ABCA9: variants seen among roughly 807,000 people sequenced by gnomAD.
The protein encoded by ABCA9 is ATP-binding cassette sub-family A member 9.
In ABCA9, 183 loss-of-function variants were observed where a neutral mutation model predicts 205.3. The ratio of observed to expected loss-of-function variants is 0.89; its 90% confidence interval spans 0.79 to 1.01. ABCA9 has a LOEUF of 1.01. Ranked by LOEUF, ABCA9 falls within the 50% of genes least tolerant of loss-of-function variation. The pLI, the probability that ABCA9 is intolerant of heterozygous loss-of-function variation, is 0.00. For synonymous variants in ABCA9, 651 were observed against 683.3 expected (o/e 0.95, Z 0.74); for missense variants, 1,805 against 1,912.4 (o/e 0.94, Z 1.05).
At chr17:69,071,738 AAT>A in the ABCA9 span, among the ~76,000 whole-genome samples, 62 of 152,308 alleles carry the variant, frequency 4.1e-4, no homozygotes, top group East Asian at 1.5e-3. Context: ...CTGGATAGAT[AAT>A]GAGTTTGATG....
upstream of ABCA9, among the ~76,000 whole-genome samples, chr17:69,061,549 G>A (rs1363089597): frequency 6.6e-6 from 1 of 152,192 alleles, no homozygotes; most frequent in African/African-American, 2.4e-5. Context: ...ATCTTTCATG[G>A]TACTGAAGCG....
chr17:68,999,774 C>A (rs2144100924), intron 25 of ABCA9, among the ~76,000 whole-genome samples: 1 of 152,184 alleles, frequency 6.6e-6, no homozygotes, highest in Non-Finnish European at 1.5e-5. Flanking sequence ...TTCTCCACAT[C>A]CTCTCCAGCA....
At chr17:68,980,961 G>C (rs1167734481) in intron 37 of ABCA9, among the ~76,000 whole-genome samples, 1 of 151,638 alleles carries the variant, frequency 6.6e-6, no homozygotes, top group African/African-American at 2.4e-5. Context: ...ATCGTGTTGT[G>C]GATGAATCTA....
rs145971364 is a variant in ABCA9, at chr17:69,047,840, G to C, written c.304+1443C>G. On this transcript the variant is annotated intron_variant, in intron 3 of 38. Coordinates refer to ENST00000340001, the MANE Select transcript of ABCA9 (RefSeq NM_080283.4). ...ACTGGCTAGCCACCCCACTTCAGTT[G>C]CATGAATAAAAGTCAAGCCCTGTCT... 6.6e-3 allele frequency among the ~76,000 whole-genome samples: 1,002 copies of C among 152,262 alleles called. 2 individuals carry two copies. The highest frequency in any genetic ancestry group is 9.7e-3 in the Non-Finnish European group (663 of 68,014).
Position 69,045,218 on chromosome 17 carries a change from A to C in ABCA9, c.423T>G (p.Ser141=), listed in dbSNP as rs750538125. The change falls in exon 4 of 39, where the codon TCT becomes TCG. Residue 141 remains serine (S), a synonymous_variant. Coordinates refer to ENST00000340001, the MANE Select transcript of ABCA9 (RefSeq NM_080283.4). ...TDTFSYHLKF[S]WGHRIPMMKE... ...TCATCATGGGGATTCTATGTCCCCA[A>C]GAAAACTTCAAATGGTAGGAGAAGG... The C allele has an allele frequency of 6.8e-6, 11 of 1,613,352 alleles. No individual in the cohort carries two copies. The highest frequency in any genetic ancestry group is 9.3e-6 in the Non-Finnish European group (11 of 1,179,624).
intron 8 of ABCA9, 108 bp from the exon 9 acceptor site, chr17:69,033,981 T>C (rs1209690936): frequency 3.3e-6 from 3 of 905,012 alleles, no homozygotes; most frequent in Non-Finnish European, 5.1e-6. Context: ...TAAGATATAA[T>C]CTTGTCTCTA....
intron 23 of ABCA9, among the ~76,000 whole-genome samples, chr17:69,010,866 G>A (rs774948058): frequency 1.3e-5 from 2 of 152,130 alleles, no homozygotes; most frequent in Non-Finnish European, 2.9e-5. Flanking sequence ...AGTGCCATTT[G>A]CTAAAACAGG....
At chr17:68,996,546 C>A (rs374427707) in intron 25 of ABCA9, among the ~76,000 whole-genome samples, 1 of 152,270 alleles carries the variant, frequency 6.6e-6, no homozygotes, top group African/African-American at 2.4e-5. Flanking sequence ...AGTGTAACTG[C>A]AGGTTAAAAT....
At chr17:68,980,961 G>A (rs1167734481) in intron 37 of ABCA9, among the ~76,000 whole-genome samples, 1 of 151,638 alleles carries the variant, frequency 6.6e-6, no homozygotes, top group Non-Finnish European at 1.5e-5. Flanking sequence ...ATCGTGTTGT[G>A]GATGAATCTA....
intron 19 of ABCA9, 70 bp from the exon 20 acceptor site, chr17:69,018,649 A>G (rs745575617): frequency 2.8e-6 from 3 of 1,085,626 alleles, no homozygotes; most frequent in African/African-American, 1.6e-5. Flanking sequence ...GTTTGAAGGT[A>G]TAATGAATAT....
rs907464402 is a variant in ABCA9 at position 69,040,977 on chromosome 17, T to C, written c.800+2512A>G. On this transcript the variant is annotated intron_variant, in intron 6 of 38. Transcript: ENST00000340001. ...GATCTGAGTTAGTTCCAGTTTCTCCTGCTACATTGTAACTATATAATCCTG... is the reference window on the plus strand; with the variant it reads ...GATCTGAGTTAGTTCCAGTTTCTCCCGCTACATTGTAACTATATAATCCTG... Among the ~76,000 whole-genome samples, 3 of 151,118 alleles carry C rather than the reference T, an allele frequency of 2.0e-5. No individual in the cohort carries two copies. In the East Asian group the frequency reaches 5.8e-4, roughly 29 times the overall value.
intron 5 of ABCA9, 57 bp downstream of exon 5, chr17:69,044,440 C>T: frequency 6.9e-7 from 1 of 1,441,240 alleles, no homozygotes; most frequent in Non-Finnish European, 9.7e-7. Context: ...TCCATTAAAT[C>T]ACCATCCAGC....
chr17:69,063,672 A>T (rs1384814824), upstream of ABCA9, among the ~76,000 whole-genome samples: 3 of 152,012 alleles, frequency 2.0e-5, no homozygotes, highest in Non-Finnish European at 4.4e-5. Context: ...TCCCGGGTTC[A>T]TGCCATTCTC....
intron 29 of ABCA9, 56 bp from the exon 30 acceptor site, chr17:68,989,986 T>C (rs1185711901): frequency 1.7e-6 from 2 of 1,204,028 alleles, no homozygotes; most frequent in Non-Finnish European, 2.4e-6. Flanking sequence ...ACTGAGAGGG[T>C]GTTCCACACT....
the ABCA9 span, chr17:69,078,804 C>T: frequency 4.3e-6 from 2 of 469,674 alleles, no homozygotes; most frequent in African/African-American, 4.0e-5. Context: ...TGCTATCACC[C>T]CTATGTTTGA....
At position 68,977,605 on chromosome 17, in the gene ABCA9, G is replaced by A. The variant is rs538713534; in HGVS notation, c.4721-1415C>T. On this transcript the variant is annotated intron_variant, in intron 37 of 38. Coordinates refer to ENST00000340001, the MANE Select transcript of ABCA9 (RefSeq NM_080283.4). ...CATGTGAGGCTAGGGTTTTGCTGGA[G>A]TTTACATTACCCAGCAGAGATTGGT... is the stretch of plus-strand genomic sequence containing the variant. Among the ~76,000 whole-genome samples, 27 of 152,288 alleles carry A rather than the reference G, an allele frequency of 1.8e-4. No homozygotes were observed. In the South Asian group the frequency reaches 5.6e-3, roughly 32 times the overall value.
At chr17:69,060,576 G>T (rs2072211733) in intron 1 of ABCA9, among the ~76,000 whole-genome samples, 1 of 151,736 alleles carries the variant, frequency 6.6e-6, no homozygotes, top group African/African-American at 2.4e-5. Context: ...GTTCATACTT[G>T]TAAAGAAGCA....
chr17:69,069,627 G>A, the ABCA9 span, among the ~76,000 whole-genome samples: 1 of 151,634 alleles, frequency 6.6e-6, no homozygotes, highest in African/African-American at 2.4e-5. Context: ...GTGTGTTAGG[G>A]AAATAGAGAG....
At chr17:69,050,924 A>G in intron 2 of ABCA9, 107 bp downstream of exon 2, 1 of 923,936 alleles carries the variant, frequency 1.1e-6, no homozygotes, top group Non-Finnish European at 1.5e-6. Context: ...TGTTAATTAG[A>G]CTACACATAT....
Sources: allele counts gnomAD v4.1 joint callset (sites outside exome capture counted in the v4.1 genomes callset), GRCh38; gene constraint gnomAD v4.1.1; transcripts MANE v1.5; gene names NCBI Gene and HGNC (gene_info 2026-07-23, HGNC 2026-07-21).